BBS12: variants seen among roughly 807,000 people sequenced by gnomAD.
The protein encoded by BBS12 is Bardet-Biedl syndrome 12.
Under a neutral mutation model 5.6 loss-of-function variants are expected in BBS12, and 5 were observed. The observed-to-expected ratio is 0.89, with a 90% CI of 0.46 to 1.86. The LOEUF is 1.86. BBS12 is among the 40% of genes most tolerant of loss of function. BBS12 has a pLI of 0.01. For missense variants in BBS12, 748 were observed against 830.4 expected, an observed-to-expected ratio of 0.90 and a Z score of 1.22; for synonymous variants, 308 against 306.8, an observed-to-expected ratio of 1.00 and a Z score of -0.04.
rs747391957 is a variant in BBS12 at position 122,743,346 on chromosome 4, A to T, written c.1454A>T (p.Asn485Ile). Residue 485 changes from asparagine to isoleucine, a missense_variant, in exon 2 of 2, where the codon AAC becomes ATC. By Grantham distance (149) the Asn-to-Ile change is moderately radical. Coordinates refer to ENST00000314218, the MANE Select transcript of BBS12 (RefSeq NM_152618.3). ...RSSPLDVVDR[N>I]NRIAILLKTE... Reference sequence around the variant, plus strand: ...AGCCCTTTGGATGTTGTAGATAGGAACAACAGAATCGCAATCTTATTAAAA... The same window carrying T: ...AGCCCTTTGGATGTTGTAGATAGGATCAACAGAATCGCAATCTTATTAAAA... 6.2e-7 allele frequency: 1 copy of T among 1,614,208 alleles called. No homozygotes were observed. Among genetic ancestry groups the T allele is most frequent in the Non-Finnish European group, 8.5e-7 (1 of 1,180,032 alleles).
chr4:122,738,377 A>AT (rs896155028), intron 1 of BBS12, among the ~76,000 whole-genome samples: 6 of 151,964 alleles, frequency 3.9e-5, no homozygotes, highest in African/African-American at 1.5e-4. Context: ...TGCCCGGCTA[A>AT]TTTTTTTGTA....
chr4:122,730,542 G>T (rs930355828), upstream of BBS12: 1 of 152,118 alleles, frequency 6.6e-6, no homozygotes, highest in Non-Finnish European at 1.5e-5. Context: ...CTAAAACAAC[G>T]CTATTAATAA....
At position 122,743,360 on chromosome 4, in the gene BBS12, A is replaced by G. The variant is rs775189952; in HGVS notation, c.1468A>G (p.Ile490Val). Reference sequence around the variant, plus strand: ...TGTAGATAGGAACAACAGAATCGCAATCTTATTAAAAACAGAAGGAATTAA... The same window carrying G: ...TGTAGATAGGAACAACAGAATCGCAGTCTTATTAAAAACAGAAGGAATTAA... ...DVVDRNNRIA[I>V]LLKTEGINLV... The change falls in exon 2 of 2, where the codon ATC becomes GTC. Residue 490 changes from isoleucine (I) to valine (V), a missense_variant. Physicochemically the swap from Ile to Val is conservative, Grantham distance 29 (BLOSUM62 3). Transcript: ENST00000314218. The G allele has an allele frequency of 1.2e-5, 19 of 1,614,118 alleles. No homozygotes were observed. The Admixed American group carries it at 3.2e-4, about 27-fold the overall frequency.
chr4:122,735,615 G>A (rs1002638788), intron 1 of BBS12, among the ~76,000 whole-genome samples: 34 of 152,254 alleles, frequency 2.2e-4, no homozygotes, highest in African/African-American at 6.5e-4. Flanking sequence ...TAAAAGTACC[G>A]TCTGTTTTCT....
At position 122,743,528 on chromosome 4, in the gene BBS12, T is replaced by C; in HGVS notation, c.1636T>C (p.Cys546Arg). 2 of 1,614,248 alleles carry C rather than the reference T, an allele frequency of 1.2e-6. No homozygotes were observed. Among genetic ancestry groups the C allele is most frequent in the Non-Finnish European group, 1.7e-6 (2 of 1,180,050 alleles). The part of the protein sequence containing the change: ...FLGGGAVEFL[C>R]LSCLHILAEQ... ...TGGAGGTGGTGCAGTTGAATTTTTG[T>C]GTCTTAGCTGTCTTCATATTCTTGC... The change falls in exon 2 of 2, where the codon TGT becomes CGT. Residue 546 changes from cysteine (C) to arginine (R), a missense_variant. Physicochemically the swap from Cys to Arg is radical, Grantham distance 180. Transcript: ENST00000314218.
the BBS12 span, among the ~76,000 whole-genome samples, chr4:122,714,596 A>G: frequency 6.6e-4 from 101 of 152,136 alleles, no homozygotes; most frequent in Non-Finnish European, 1.1e-3. Context: ...CCTGGCCAAC[A>G]TGGTGAAACC....
the BBS12 span, among the ~76,000 whole-genome samples, chr4:122,726,553 T>C: frequency 1.3e-5 from 2 of 152,154 alleles, no homozygotes; most frequent in African/African-American, 4.8e-5. Flanking sequence ...TACCATTTGA[T>C]CCAGCAATCC....
the BBS12 span, among the ~76,000 whole-genome samples, chr4:122,705,781 C>A: frequency 6.6e-6 from 1 of 152,206 alleles, no homozygotes; most frequent in Non-Finnish European, 1.5e-5. Context: ...GAAAAATAAG[C>A]TCAATTGTCC....
upstream of BBS12, chr4:122,729,137 C>A (rs117497286): frequency 5.9e-4 from 90 of 152,876 alleles, 1 homozygote; most frequent in East Asian, 0.016. Context: ...TGCTGAAGGA[C>A]CCCCATCCCC....
chr4:122,728,119 T>C (rs1416910272), upstream of BBS12, among the ~76,000 whole-genome samples: 3 of 152,188 alleles, frequency 2.0e-5, no homozygotes. Context: ...AAAATAAAAA[T>C]ATTTAAATTA....
chr4:122,732,006 T>G (rs1350131036), upstream of BBS12: 1 of 152,232 alleles, frequency 6.6e-6, no homozygotes, highest in Non-Finnish European at 1.5e-5. Context: ...TTGCCACAAA[T>G]AATATGGTTT....
At chr4:122,722,112 T>C in the BBS12 span, among the ~76,000 whole-genome samples, 1 of 152,196 alleles carries the variant, frequency 6.6e-6, no homozygotes, top group Non-Finnish European at 1.5e-5. Context: ...TTATGTATGG[T>C]GTGAGACTGG....
chr4:122,728,868 T>C (rs954603273), upstream of BBS12: 2 of 152,236 alleles, frequency 1.3e-5, no homozygotes, highest in African/African-American at 4.8e-5. Flanking sequence ...AACTTGGTTA[T>C]CAGAAAGTGT....
the BBS12 span, among the ~76,000 whole-genome samples, chr4:122,718,712 G>GAAA: frequency 6.8e-6 from 1 of 146,200 alleles, no homozygotes; most frequent in African/African-American, 2.6e-5. Context: ...GGGATTCGAT[G>GAAA]TGAAATGAAA....
chr4:122,714,608 C>T, the BBS12 span, among the ~76,000 whole-genome samples: 4 of 151,844 alleles, frequency 2.6e-5, no homozygotes, highest in South Asian at 2.1e-4. Context: ...GGTGAAACCC[C>T]GTCTCTACCA....
At chr4:122,716,549 A>ATG in the BBS12 span, among the ~76,000 whole-genome samples, 1 of 149,618 alleles carries the variant, frequency 6.7e-6, no homozygotes, top group South Asian at 2.1e-4. Context: ...ATATGTGTAT[A>ATG]TATACACATA....
chr4:122,738,432 G>A (rs575822331), intron 1 of BBS12, among the ~76,000 whole-genome samples: 6 of 152,180 alleles, frequency 3.9e-5, no homozygotes, highest in East Asian at 1.9e-4. Context: ...GAATGGTCTC[G>A]ATCTCCTGAC....
chr4:122,742,442 C>G lies in BBS12; in HGVS notation c.550C>G (p.Leu184Val), dbSNP rs1800894066. ...HGLKDVASQTLTISNLSGRPL... is the reference protein window; with the variant it reads ...HGLKDVASQTVTISNLSGRPL... The stretch of plus-strand genomic sequence containing the variant: ...TCTCAAAGATGTTGCCTCTCAAACA[C>G]TGACCATTTCCAACCTTTCTGGGAG... The change falls in exon 2 of 2, where the codon CTG (leucine) becomes GTG (valine). Residue 184 changes from leucine to valine, a missense_variant. Physicochemically the swap from Leu to Val is conservative, Grantham distance 32. Transcript: ENST00000314218. 1.9e-6 allele frequency: 3 copies of G among 1,614,080 alleles called. No homozygotes were observed. The African/African-American group carries it at 4.0e-5, about 22-fold the overall frequency.
the BBS12 span, among the ~76,000 whole-genome samples, chr4:122,726,493 G>C: frequency 6.6e-6 from 1 of 152,138 alleles, no homozygotes; most frequent in Non-Finnish European, 1.5e-5. Context: ...AACTAATACA[G>C]CCACTATGGA....
Sources: gnomAD v4.1 joint callset for allele counts (sites outside exome capture counted in the v4.1 genomes callset) on GRCh38, gnomAD v4.1.1 for gene constraint, MANE v1.5 for transcripts, NCBI Gene and HGNC (gene_info 2026-07-23, HGNC 2026-07-21) for gene names.